Variants in LARGE1 observed in about 807,000 individuals in gnomAD.
The protein encoded by LARGE1 is LARGE xylosyl- and glucuronyltransferase 1, also known as xylosyl- and glucuronyltransferase LARGE1.
In LARGE1, 43 loss-of-function variants were observed where a neutral mutation model predicts 87.6. That is an observed-to-expected ratio of 0.49 (90% CI 0.38 to 0.63). The LOEUF (loss-of-function observed/expected upper bound fraction) is 0.63. Among genes scored for constraint, LARGE1 ranks in the 30% least tolerant of loss-of-function variants. LARGE1 has a pLI of 0.00. For synonymous variants in LARGE1, 434 were observed against 394.6 expected (o/e 1.10, Z -1.18); for missense variants, 802 against 1,000.2 (o/e 0.80, Z 2.67).
At chr22:33,085,208 G>A in the LARGE1 span, among the ~76,000 whole-genome samples, 7 of 152,354 alleles carry the variant, frequency 4.6e-5, no homozygotes, top group East Asian at 3.9e-4. Flanking sequence ...CCCGGGAAGC[G>A]AAGATTGCAG....
intron 6 of LARGE1, among the ~76,000 whole-genome samples, chr22:33,472,106 C>T (rs2148118192): frequency 6.6e-6 from 1 of 152,214 alleles, no homozygotes; most frequent in Non-Finnish European, 1.5e-5. Flanking sequence ...GAAGACCATC[C>T]AATCAATTCA....
chr22:33,106,612 C>T, the LARGE1 span, among the ~76,000 whole-genome samples: 1 of 152,128 alleles, frequency 6.6e-6, no homozygotes, highest in Admixed American at 6.6e-5. Context: ...TCTCCTGCCT[C>T]AGCCTCCGGA....
At chr22:33,451,019 G>A (rs570198673) in intron 6 of LARGE1, among the ~76,000 whole-genome samples, 22 of 152,236 alleles carry the variant, frequency 1.4e-4, no homozygotes, top group Non-Finnish European at 2.4e-4. Flanking sequence ...CAGTGCAGAC[G>A]CAGCCCACTG....
chr22:33,770,358 A>G (rs1021134657), intron 1 of LARGE1, among the ~76,000 whole-genome samples: 1 of 152,258 alleles, frequency 6.6e-6, no homozygotes, highest in Admixed American at 6.5e-5. Context: ...ACGTATGTGT[A>G]GCCAGGAGAA....
At chr22:33,650,332 GA>G in intron 3 of LARGE1, 34 bp downstream of exon 3, 1 of 1,613,140 alleles carries the variant, frequency 6.2e-7, no homozygotes. Flanking sequence ...CGGGACTTTG[GA>G]CAACTTCCTC....
chr22:33,833,591 C>T (rs949471689), intron 1 of LARGE1, among the ~76,000 whole-genome samples: 1 of 152,196 alleles, frequency 6.6e-6, no homozygotes, highest in African/African-American at 2.4e-5. Context: ...ATTTAAGCCA[C>T]CCAGTCTGTG....
Position 33,644,984 on chromosome 22 carries a change from G to A in LARGE1, c.408+5383C>T, listed in dbSNP as rs370136402. 4.6e-5 allele frequency among the ~76,000 whole-genome samples: 7 copies of A among 152,226 alleles called. No homozygotes were observed. In the East Asian group the frequency reaches 7.7e-4, roughly 17 times the overall value. ...TATTGTGAAAGTGGCCATACTGCCC[G>A]AAGTAATTTATATATTCAATGCTAT... On this transcript the variant is annotated intron_variant, in intron 3 of 14. Transcript: ENST00000397394.
the LARGE1 span, among the ~76,000 whole-genome samples, chr22:33,074,520 C>G: frequency 2.6e-5 from 4 of 151,918 alleles, no homozygotes; most frequent in Admixed American, 1.3e-4. Context: ...ACTAAAAATA[C>G]AAAAATTAGC....
intron 6 of LARGE1, among the ~76,000 whole-genome samples, chr22:33,533,889 G>T (rs1602292784): frequency 7.1e-6 from 1 of 141,160 alleles, no homozygotes; most frequent in African/African-American, 2.6e-5. Context: ...TTAATTTCAG[G>T]TTTTTTTTTT....
In LARGE1 at chr22:33,647,423, G is replaced by A. The variant is rs1651390088; in HGVS notation, c.408+2944C>T. Among the ~76,000 whole-genome samples, 3 of 152,196 alleles carry A rather than the reference G, an allele frequency of 2.0e-5. No individual in the cohort carries two copies. In the South Asian group the frequency reaches 6.2e-4, roughly 32 times the overall value. ...ATACGTTCTTTAAGGAAAGTGGTATGTCCCACCTTAACACTTCTTTCCTGC... is the reference window on the plus strand; with the variant it reads ...ATACGTTCTTTAAGGAAAGTGGTATATCCCACCTTAACACTTCTTTCCTGC... On this transcript the variant is annotated intron_variant, in intron 3 of 14. Coordinates refer to ENST00000397394, the MANE Select transcript of LARGE1 (RefSeq NM_133642.5).
intron 11 of LARGE1, among the ~76,000 whole-genome samples, chr22:33,167,710 T>C (rs904240436): frequency 6.6e-6 from 1 of 152,166 alleles, no homozygotes; most frequent in African/African-American, 2.4e-5. Flanking sequence ...AACCATAGTG[T>C]TTTTGATTAG....
intron 11 of LARGE1, among the ~76,000 whole-genome samples, chr22:33,186,231 T>A (rs1923467685): frequency 6.6e-6 from 1 of 151,970 alleles, no homozygotes; most frequent in African/African-American, 2.4e-5. Flanking sequence ...AAATAATATA[T>A]CAACAAATAC....
At chr22:33,845,527 C>T (rs1226235235) in intron 1 of LARGE1, among the ~76,000 whole-genome samples, 2 of 151,930 alleles carry the variant, frequency 1.3e-5, no homozygotes, top group African/African-American at 2.4e-5. Flanking sequence ...AGGCTGGTCT[C>T]GAACTCCTGA....
At chr22:33,575,857 G>A (rs563813263) in intron 5 of LARGE1, among the ~76,000 whole-genome samples, 6 of 152,188 alleles carry the variant, frequency 3.9e-5, no homozygotes, top group Admixed American at 2.6e-4. Flanking sequence ...CTCTCTCATC[G>A]CCCAGCAAGA....
rs979778671 is a variant in LARGE1, at chr22:33,909,663, C to T, written c.-83+10332G>A. Among the ~76,000 whole-genome samples the T allele has an allele frequency of 9.2e-5, 14 of 152,172 alleles. No homozygotes were observed. The East Asian group carries it at 2.3e-3, about 25-fold the overall frequency. On this transcript the variant is annotated intron_variant, in intron 1 of 14. Coordinates refer to ENST00000397394, the MANE Select transcript of LARGE1 (RefSeq NM_133642.5). ...ACGCCATTCTCCTGCCTCAGCCTCC[C>T]GAGTAGCTGGGACTACAGGCGCCCG...
the LARGE1 span, among the ~76,000 whole-genome samples, chr22:33,096,896 A>G: frequency 1.3e-5 from 2 of 152,186 alleles, no homozygotes; most frequent in African/African-American, 4.8e-5. Flanking sequence ...ATCTGGGTCT[A>G]TTGACTCGAT....
intron 9 of LARGE1, among the ~76,000 whole-genome samples, chr22:33,371,002 A>G (rs574213874): frequency 5.3e-5 from 8 of 150,632 alleles, no homozygotes; most frequent in Non-Finnish European, 1.0e-4. Flanking sequence ...AATGTAAAAT[A>G]AAATGTATAA....
chr22:33,284,228 C>T (rs1931075609), intron 12 of LARGE1, among the ~76,000 whole-genome samples: 1 of 152,238 alleles, frequency 6.6e-6, no homozygotes, highest in Non-Finnish European at 1.5e-5. Flanking sequence ...GACTGCACCC[C>T]TGGCCGCACC....
intron 7 of LARGE1, among the ~76,000 whole-genome samples, chr22:33,419,725 C>G (rs1466429422): frequency 6.6e-6 from 1 of 152,084 alleles, no homozygotes; most frequent in African/African-American, 2.4e-5. Context: ...GAGTCTCGCT[C>G]TATTGCCCAG....
Sources: allele counts gnomAD v4.1 joint callset (sites outside exome capture counted in the v4.1 genomes callset), GRCh38; gene constraint gnomAD v4.1.1; transcripts MANE v1.5; gene names NCBI Gene and HGNC (gene_info 2026-07-23, HGNC 2026-07-21).